The following ADAMTS17 variants were observed in gnomAD, a reference collection of about 807,000 sequenced individuals.
ADAMTS17 encodes the protein A disintegrin and metalloproteinase with thrombospondin motifs 17.
In ADAMTS17, 113 loss-of-function variants were observed where a neutral mutation model predicts 141.5. The observed-to-expected ratio is 0.80, with a 90% CI of 0.69 to 0.93. ADAMTS17 has a LOEUF of 0.93. ADAMTS17 is among the 40% of genes least tolerant of loss of function. ADAMTS17 has a pLI of 0.00. For missense variants in ADAMTS17, 1,659 were observed against 1,517.9 expected (o/e 1.09, Z -1.54); for synonymous variants, 768 against 630.6 (o/e 1.22, Z -3.27).
intron 15 of ADAMTS17, among the ~76,000 whole-genome samples, chr15:100,088,116 G>A (rs1341328132): frequency 2.0e-5 from 3 of 152,110 alleles, no homozygotes; most frequent in Non-Finnish European, 4.4e-5. Context: ...AAATCTCCTT[G>A]AGCTGATAGG....
chr15:100,182,835 G>A (rs2040572015), intron 8 of ADAMTS17, among the ~76,000 whole-genome samples: 1 of 152,164 alleles, frequency 6.6e-6, no homozygotes, highest in African/African-American at 2.4e-5. Context: ...GTGCCTTAGT[G>A]TGAATTTCTT....
intron 15 of ADAMTS17, among the ~76,000 whole-genome samples, chr15:100,092,441 T>C (rs574938963): frequency 6.6e-6 from 1 of 152,214 alleles, no homozygotes; most frequent in Non-Finnish European, 1.5e-5. Context: ...TGAGAAACAC[T>C]TGGGAACAGC....
chr15:100,266,628 C>T (rs1319362185), intron 4 of ADAMTS17, among the ~76,000 whole-genome samples: 3 of 152,214 alleles, frequency 2.0e-5, no homozygotes, highest in Non-Finnish European at 4.4e-5. Context: ...ATCACCCTCC[C>T]CATCACCCAC....
At chr15:100,243,044 A>G (rs1347592521) in intron 7 of ADAMTS17, among the ~76,000 whole-genome samples, 1 of 152,170 alleles carries the variant, frequency 6.6e-6, no homozygotes, top group Non-Finnish European at 1.5e-5. Context: ...GAATCTGACC[A>G]CTTTAGGTGC....
At chr15:100,078,054 T>G (rs1380940538) in intron 15 of ADAMTS17, among the ~76,000 whole-genome samples, 1 of 152,122 alleles carries the variant, frequency 6.6e-6, no homozygotes, top group African/African-American at 2.4e-5. Flanking sequence ...CCTGGAGGGT[T>G]TGTAAGATGA....
At chr15:100,239,639 G>T (rs2042767764) in intron 7 of ADAMTS17, among the ~76,000 whole-genome samples, 1 of 152,168 alleles carries the variant, frequency 6.6e-6, no homozygotes, top group Non-Finnish European at 1.5e-5. Flanking sequence ...CACAGAGGCT[G>T]CCTCCTGCCA....
Position 100,251,271 on chromosome 15 carries a change from T to G in ADAMTS17, c.1075+2865A>C, listed in dbSNP as rs115535138. Among the ~76,000 whole-genome samples the G allele has an allele frequency of 3.5e-3, 536 of 152,266 alleles. 3 individuals are homozygous for G. The highest frequency in any genetic ancestry group is 0.012 in the African/African-American group (508 of 41,546). The stretch of plus-strand genomic sequence containing the variant: ...TTTCTTGTTAAGGAAGTGAGACGCA[T>G]GCACCTGGGAGGGGATATGAGGACA... On this transcript the variant is annotated intron_variant, in intron 7 of 21. Coordinates refer to ENST00000268070, the MANE Select transcript of ADAMTS17 (RefSeq NM_139057.4).
At chr15:100,226,457 C>T (rs916677357) in intron 7 of ADAMTS17, among the ~76,000 whole-genome samples, 6 of 152,252 alleles carry the variant, frequency 3.9e-5, no homozygotes, top group Non-Finnish European at 8.8e-5. Flanking sequence ...CAATCAGAAG[C>T]ACAACTGTAT....
In ADAMTS17 at chr15:99,974,155, T is replaced by G. The variant is rs980546667; in HGVS notation, c.*247A>C. ...GTGCTTCCCTTCGAGGTACCTGAAA[T>G]CCTAGAAATTGAAGTTACTTTGTGA... On this transcript the variant is annotated 3_prime_UTR_variant, in exon 22 of 22. Transcript: ENST00000268070. 1 of 560,138 alleles carries G rather than the reference T, an allele frequency of 1.8e-6. No homozygotes were observed. Among genetic ancestry groups the G allele is most frequent in the Admixed American group, 3.1e-5 (1 of 32,680 alleles). The allele number at this position is 560,138 out of a possible 1,614,324, so 34.7% of individuals were successfully genotyped here.
chr15:100,256,618 G>A (rs1248033737), intron 6 of ADAMTS17: 2 of 152,268 alleles, frequency 1.3e-5, no homozygotes, highest in East Asian at 3.9e-4. Flanking sequence ...TAAAGGGAAG[G>A]GTGCCCCGAG....
At chr15:100,154,339 G>C (rs955970865) in intron 9 of ADAMTS17, among the ~76,000 whole-genome samples, 2 of 152,144 alleles carry the variant, frequency 1.3e-5, no homozygotes, top group African/African-American at 4.8e-5. Flanking sequence ...TTGTTAAGCT[G>C]GTTTACCACT....
At chr15:100,193,858 G>A (rs1261044849) in intron 8 of ADAMTS17, among the ~76,000 whole-genome samples, 1 of 152,188 alleles carries the variant, frequency 6.6e-6, no homozygotes, top group Non-Finnish European at 1.5e-5. Flanking sequence ...AACCCGAGGA[G>A]GGGCAGGTCT....
rs186171285 is a variant in ADAMTS17, at chr15:99,977,352, A to G, written c.2950-1130T>C. On this transcript the variant is annotated intron_variant, in intron 20 of 21. Coordinates refer to ENST00000268070, the MANE Select transcript of ADAMTS17 (RefSeq NM_139057.4). ...TCTGTTCTCCGTCCCTCCTCTTCAT[A>G]TATATATATATATATATATATATAT... Among the ~76,000 whole-genome samples the G allele has an allele frequency of 0.02, 18 of 882 alleles. No individual in the cohort carries two copies. In the East Asian group the frequency reaches 0.26, roughly 13 times the overall value. The allele number at this position is 882 out of a possible 152,430, so 0.6% of individuals were successfully genotyped here.
In ADAMTS17 at chr15:100,001,969, T is replaced by G. The variant is rs1383105139; in HGVS notation, c.2592-4380A>C. On this transcript the variant is annotated intron_variant, in intron 18 of 21. Transcript: ENST00000268070. ...GCCAGCCTTGGGGACAGAGCGAGAC[T>G]CAGTCTCAAAAAAAAGGCCAAACCC... Among the ~76,000 whole-genome samples the G allele has an allele frequency of 7.1e-5, 2 of 28,272 alleles. 1 individual carries two copies. The highest frequency in any genetic ancestry group is 1.8e-4 in the African/African-American group (2 of 10,994). The allele number at this position is 28,272 out of a possible 152,430, so 18.5% of individuals were successfully genotyped here.
At chr15:100,268,985 T>C (rs1182422687) in intron 4 of ADAMTS17, among the ~76,000 whole-genome samples, 1 of 151,170 alleles carries the variant, frequency 6.6e-6, no homozygotes. Context: ...ACATCATACC[T>C]ACAACCATCT....
At chr15:100,106,856 C>G (rs2036442709) in intron 14 of ADAMTS17, among the ~76,000 whole-genome samples, 1 of 152,162 alleles carries the variant, frequency 6.6e-6, no homozygotes, top group Non-Finnish European at 1.5e-5. Context: ...ATGATAAGGG[C>G]TTTGTTCATA....
At position 99,997,630 on chromosome 15, in the gene ADAMTS17, G is replaced by A. The variant is rs1567658319; in HGVS notation, c.2592-41C>T. ...AAAGAGAGAGAGAACGACTGGGTGA[G>A]AGGCCAGCCTCTCCGGAGGGCCTTC... On this transcript the variant is annotated intron_variant, in intron 18 of 21. Coordinates refer to ENST00000268070, the MANE Select transcript of ADAMTS17 (RefSeq NM_139057.4). This position sits in a 1 kb window ranked among gnomAD's most constrained non-coding sequence, Gnocchi z 4.7. The A allele has an allele frequency of 1.2e-6, 2 of 1,610,634 alleles. No individual in the cohort carries two copies. The highest frequency in any genetic ancestry group is 1.7e-6 in the Non-Finnish European group (2 of 1,179,250).
intron 3 of ADAMTS17, among the ~76,000 whole-genome samples, chr15:100,289,571 C>T (rs1475925811): frequency 7.9e-5 from 12 of 151,142 alleles, no homozygotes. Context: ...CACACACACA[C>T]TCTTAAGGCC....
intron 8 of ADAMTS17, among the ~76,000 whole-genome samples, chr15:100,179,630 T>G (rs1249502561): frequency 2.0e-5 from 3 of 152,218 alleles, no homozygotes; most frequent in African/African-American, 7.2e-5. Flanking sequence ...CAAACTGTTC[T>G]CCATAGTGGT....
Sources: gnomAD v4.1 joint callset for allele counts (sites outside exome capture counted in the v4.1 genomes callset) on GRCh38, gnomAD v4.1.1 for gene constraint, Gnocchi (gnomAD v3.1) non-coding constraint, MANE v1.5 for transcripts, NCBI Gene and HGNC (gene_info 2026-07-23, HGNC 2026-07-21) for gene names.